OPCML: variants seen among roughly 807,000 people sequenced by gnomAD.
The protein encoded by OPCML is opioid-binding protein/cell adhesion molecule.
OPCML carries 13 observed loss-of-function variants against 37.8 expected under a neutral mutation model. The ratio of observed to expected loss-of-function variants is 0.34; its 90% CI spans 0.22 to 0.55. The LOEUF is 0.55. Among genes scored for constraint, OPCML ranks in the 20% least tolerant of loss-of-function variants. The probability of loss-of-function intolerance (pLI) is 0.91; values close to 1 mark genes in which losing one functional copy is unlikely to be tolerated. For synonymous variants in OPCML, 176 were observed against 168.8 expected (o/e 1.04, Z -0.33); for missense variants, 341 against 435.6 (o/e 0.78, Z 1.93).
chr11:132,775,392 A>G (rs1012986230), intron 2 of OPCML, among the ~76,000 whole-genome samples: 3 of 152,208 alleles, frequency 2.0e-5, no homozygotes, highest in African/African-American at 7.2e-5. Flanking sequence ...GCTTTTTGTT[A>G]TGTGACCTGA....
At chr11:133,118,492 G>C in intron 1 of OPCML, 1 of 847,980 alleles carries the variant, frequency 1.2e-6, no homozygotes, top group Non-Finnish European at 1.4e-6. Flanking sequence ...ATTTGGTCAA[G>C]GAGACAGGAT....
At chr11:132,591,278 A>G (rs546627424) in intron 3 of OPCML, among the ~76,000 whole-genome samples, 20 of 152,334 alleles carry the variant, frequency 1.3e-4, no homozygotes, top group South Asian at 1.2e-3. Context: ...TGAACCAGGC[A>G]GGTGGCTCTT....
In OPCML at chr11:133,532,315, G is replaced by T. The variant is rs754040315; in HGVS notation, c.10C>A (p.Pro4Thr). ...GCCGAGAAGACGACCCAGTAGGCAG[G>T]ATGGTACATCTCGACGCTGCGGTGC... Reference protein sequence around the residue: MYHPAYWVVFSATT... With the variant: MYHTAYWVVFSATT... The change falls in exon 1 of 8, where the codon CCT (proline) becomes ACT (threonine). Residue 4 changes from proline (P) to threonine (T), a missense_variant. By Grantham distance (38) the Pro-to-Thr change is conservative. Coordinates refer to ENST00000524381, the MANE Select transcript of OPCML (RefSeq NM_001012393.5). 1 of 1,613,762 alleles carries T rather than the reference G, an allele frequency of 6.2e-7. No homozygotes were observed. Among genetic ancestry groups the T allele is most frequent in the South Asian group, 1.1e-5 (1 of 90,944 alleles).
At chr11:132,568,938 C>G (rs1328801888) in intron 3 of OPCML, among the ~76,000 whole-genome samples, 1 of 152,102 alleles carries the variant, frequency 6.6e-6, no homozygotes, top group Non-Finnish European at 1.5e-5. Context: ...ACAAAAACAT[C>G]TTTAATACTA....
intron 1 of OPCML, among the ~76,000 whole-genome samples, chr11:133,019,079 G>A (rs532935534): frequency 6.6e-6 from 1 of 152,234 alleles, no homozygotes; most frequent in Non-Finnish European, 1.5e-5. Context: ...AGGCTGGTGA[G>A]ACAAAAGAGA....
intron 1 of OPCML, among the ~76,000 whole-genome samples, chr11:133,075,421 T>C (rs1215922879): frequency 6.6e-6 from 1 of 152,198 alleles, no homozygotes; most frequent in Non-Finnish European, 1.5e-5. Flanking sequence ...TGCATTCTTC[T>C]GACAGCTTTC....
At chr11:133,042,910 C>G (rs1252666424) in intron 1 of OPCML, among the ~76,000 whole-genome samples, 3 of 152,118 alleles carry the variant, frequency 2.0e-5, no homozygotes, top group Admixed American at 6.5e-5. Flanking sequence ...ATTTAATTAT[C>G]AAGGGAGAAA....
intron 3 of OPCML, among the ~76,000 whole-genome samples, chr11:132,565,291 G>A (rs1385312077): frequency 1.3e-5 from 2 of 151,978 alleles, no homozygotes; most frequent in Non-Finnish European, 2.9e-5. Context: ...TTCTCAACTT[G>A]GGCTGTTTAC....
intron 4 of OPCML, among the ~76,000 whole-genome samples, chr11:132,478,123 A>C (rs1330419751): frequency 6.6e-6 from 1 of 152,236 alleles, no homozygotes; most frequent in East Asian, 1.9e-4. Flanking sequence ...GCTAAAATGA[A>C]GGTCAAGGCA....
chr11:133,093,221 A>AC (rs998862770), intron 1 of OPCML, among the ~76,000 whole-genome samples: 8 of 149,226 alleles, frequency 5.4e-5, no homozygotes, highest in South Asian at 4.3e-4. Flanking sequence ...TCCCTTGCCA[A>AC]CCCCCCCAAC....
At chr11:132,482,347 A>G (rs1373344749) in intron 4 of OPCML, among the ~76,000 whole-genome samples, 1 of 151,954 alleles carries the variant, frequency 6.6e-6, no homozygotes, top group Non-Finnish European at 1.5e-5. Flanking sequence ...CTTGACACAT[A>G]CACTCTCCCA....
At chr11:133,302,309 A>G (rs1942800406) in intron 1 of OPCML, 1 of 152,220 alleles carries the variant, frequency 6.6e-6, no homozygotes, top group Non-Finnish European at 1.5e-5. Context: ...TTGGTTTTGT[A>G]AGCATCTGTC....
In OPCML at chr11:133,332,910, A is replaced by G. The variant is rs973097204; in HGVS notation, c.61+199354T>C. On this transcript the variant is annotated intron_variant, in intron 1 of 7. Transcript: ENST00000524381. ...ATCATGTTACCCGACTTCAAACGAT[A>G]CTACAAGACTACAGTGACGCAAACA... Among the ~76,000 whole-genome samples the G allele has an allele frequency of 2.0e-5, 3 of 152,208 alleles. No individual in the cohort carries two copies. The South Asian group carries it at 6.2e-4, about 31-fold the overall frequency.
Position 132,483,274 on chromosome 11 carries a change from C to A in OPCML, c.505+45787G>T, listed in dbSNP as rs1040461851. ...AATCACAAGCATTCCTATACACCAA[C>A]AACAGACAAACAGCCAAATCATGAG... On this transcript the variant is annotated intron_variant, in intron 4 of 7. Transcript: ENST00000524381. Among the ~76,000 whole-genome samples the A allele has an allele frequency of 5.3e-5, 8 of 150,104 alleles. No individual in the cohort carries two copies. The South Asian group carries it at 1.5e-3, about 28-fold the overall frequency.
intron 1 of OPCML, among the ~76,000 whole-genome samples, chr11:133,203,782 G>A (rs1938906168): frequency 6.6e-6 from 1 of 152,056 alleles, no homozygotes; most frequent in African/African-American, 2.4e-5. Flanking sequence ...AGGACGGCCG[G>A]GTGCCGTGGC....
Position 132,735,910 on chromosome 11 carries a change from T to A in OPCML, c.147-78591A>T, listed in dbSNP as rs141040795. On this transcript the variant is annotated intron_variant, in intron 2 of 7. Transcript: ENST00000524381. ...AAGAAGCAGCTGGAAAAAGAAACAC[T>A]CAGTTGTGAACAAGACTGCCTTTAA... is the stretch of plus-strand genomic sequence containing the variant. Among the ~76,000 whole-genome samples, 1,396 of 151,966 alleles carry A rather than the reference T, an allele frequency of 9.2e-3. 12 individuals carry two copies. The highest frequency in any genetic ancestry group is 0.017 in the Middle Eastern group (5 of 294).
intron 2 of OPCML, among the ~76,000 whole-genome samples, chr11:132,829,679 C>T (rs1480419190): frequency 6.6e-6 from 1 of 152,160 alleles, no homozygotes; most frequent in Non-Finnish European, 1.5e-5. Flanking sequence ...TTCATTTCTG[C>T]CTGCTTTTAC....
intron 2 of OPCML, among the ~76,000 whole-genome samples, chr11:132,759,837 T>C (rs1946198062): frequency 6.6e-6 from 1 of 152,186 alleles, no homozygotes; most frequent in Non-Finnish European, 1.5e-5. Flanking sequence ...TGCCTTCTGC[T>C]AGCTTTGGAA....
At chr11:132,475,550 G>A (rs910677127) in intron 4 of OPCML, among the ~76,000 whole-genome samples, 1 of 152,154 alleles carries the variant, frequency 6.6e-6, no homozygotes, top group Admixed American at 6.5e-5. Context: ...CACACAAAGA[G>A]ACACCAGAGA....
Sources: gnomAD v4.1 joint callset for allele counts (sites outside exome capture counted in the v4.1 genomes callset) on GRCh38, gnomAD v4.1.1 for gene constraint, MANE v1.5 for transcripts, NCBI Gene and HGNC (gene_info 2026-07-23, HGNC 2026-07-21) for gene names.